TACR3: variants seen among roughly 807,000 people sequenced by gnomAD.
TACR3 encodes neuromedin-K receptor.
A neutral mutation model predicts 35.0 loss-of-function variants in TACR3; 34 were observed. That is an observed-to-expected ratio of 0.97 (90% CI 0.74 to 1.30). TACR3 has a LOEUF of 1.30. Among genes scored for constraint, TACR3 ranks in the 50% most tolerant of loss-of-function variants. TACR3 has a pLI of 0.00. For synonymous variants in TACR3, 233 were observed against 221.1 expected (o/e 1.05, Z -0.48); for missense variants, 558 against 591.7 (o/e 0.94, Z 0.59).
intron 1 of TACR3, among the ~76,000 whole-genome samples, chr4:103,701,079 T>C (rs1055110492): frequency 5.9e-5 from 9 of 151,978 alleles, no homozygotes; most frequent in African/African-American, 1.2e-4. Context: ...AAATAAAGGG[T>C]ATTCAATTAG....
chr4:103,613,132 G>A (rs768734628), intron 3 of TACR3, among the ~76,000 whole-genome samples: 8 of 152,172 alleles, frequency 5.3e-5, no homozygotes, highest in South Asian at 2.1e-4. Flanking sequence ...TTTAGCTGTC[G>A]TATATAGTGC....
intron 1 of TACR3, among the ~76,000 whole-genome samples, chr4:103,698,049 T>C (rs1043260777): frequency 3.3e-5 from 5 of 152,214 alleles, no homozygotes; most frequent in Admixed American, 6.5e-5. Context: ...GATTCTGAAA[T>C]ACTACTGTCT....
At chr4:103,716,055 A>G (rs1455019380) in intron 1 of TACR3, among the ~76,000 whole-genome samples, 1 of 152,164 alleles carries the variant, frequency 6.6e-6, no homozygotes, top group Non-Finnish European at 1.5e-5. Flanking sequence ...CTGGCCCTGG[A>G]GCTAACTGCA....
chr4:103,676,137 C>T (rs542599694), intron 1 of TACR3, among the ~76,000 whole-genome samples: 2 of 152,132 alleles, frequency 1.3e-5, no homozygotes, highest in African/African-American at 4.8e-5. Flanking sequence ...CTGATTTATT[C>T]TTCTCTGTGT....
At chr4:103,680,510 C>CAA (rs200048229) in intron 1 of TACR3, among the ~76,000 whole-genome samples, 3 of 127,438 alleles carry the variant, frequency 2.4e-5, no homozygotes, top group Non-Finnish European at 4.9e-5. Flanking sequence ...CACACACACA[C>CAA]ACATATATAT....
At chr4:103,605,515 C>A (rs945908612) in intron 3 of TACR3, among the ~76,000 whole-genome samples, 7 of 145,658 alleles carry the variant, frequency 4.8e-5, no homozygotes, top group Non-Finnish European at 9.1e-5. Flanking sequence ...TTAATGATTG[C>A]CATTCTAACT....
intron 1 of TACR3, among the ~76,000 whole-genome samples, chr4:103,662,865 C>T (rs1156674599): frequency 1.3e-5 from 2 of 152,080 alleles, no homozygotes; most frequent in African/African-American, 2.4e-5. Context: ...CATGGAGCAT[C>T]GATTTCAAAC....
chr4:103,718,399 C>G (rs1416570762), intron 1 of TACR3, among the ~76,000 whole-genome samples: 1 of 152,198 alleles, frequency 6.6e-6, no homozygotes, highest in African/African-American at 2.4e-5. Flanking sequence ...AATACCTATA[C>G]TTCATAATGT....
intron 2 of TACR3, among the ~76,000 whole-genome samples, chr4:103,656,890 G>A (rs35788181): frequency 0.059 from 8,934 of 152,022 alleles, 382 homozygotes; most frequent in Non-Finnish European, 0.092. Context: ...ATCAGGTAAA[G>A]ACATTTACAT....
intron 3 of TACR3, among the ~76,000 whole-genome samples, chr4:103,617,033 G>GGAGAAAGCATAGAATTTTT (rs2110301187): frequency 6.6e-6 from 1 of 152,274 alleles, no homozygotes; most frequent in South Asian, 2.1e-4. Flanking sequence ...CTGACTTACA[G>GGAGAAAGCATAGAATTTTT]GAGAAAGCAT....
At chr4:103,702,334 A>C (rs1722673054) in intron 1 of TACR3, among the ~76,000 whole-genome samples, 1 of 152,234 alleles carries the variant, frequency 6.6e-6, no homozygotes, top group Admixed American at 6.5e-5. Context: ...AGAAATGCAA[A>C]TCAAAACCAC....
intron 1 of TACR3, among the ~76,000 whole-genome samples, chr4:103,711,802 G>C (rs536049275): frequency 2.6e-5 from 4 of 152,256 alleles, no homozygotes; most frequent in African/African-American, 9.6e-5. Flanking sequence ...AAAGTTTCAG[G>C]ATACAAAATC....
At chr4:103,713,320 T>C (rs1006595262) in intron 1 of TACR3, among the ~76,000 whole-genome samples, 20 of 151,884 alleles carry the variant, frequency 1.3e-4, no homozygotes, top group Admixed American at 8.5e-4. Context: ...TTGTCCTTTG[T>C]AGGGACATGG....
At chr4:103,637,103 C>T (rs529784683) in intron 3 of TACR3, among the ~76,000 whole-genome samples, 1 of 152,088 alleles carries the variant, frequency 6.6e-6, no homozygotes, top group East Asian at 1.9e-4. Context: ...CCAGCATCAT[C>T]CTGATACCAA....
intron 1 of TACR3, among the ~76,000 whole-genome samples, chr4:103,708,316 C>T (rs56236570): frequency 0.12 from 17,743 of 152,090 alleles, 1,342 homozygotes; most frequent in East Asian, 0.37. Context: ...TCCAGAGGAA[C>T]GATCATTCCA....
intron 3 of TACR3, among the ~76,000 whole-genome samples, chr4:103,634,169 ATATTTTAT>A (rs1237782487): frequency 6.6e-6 from 1 of 152,136 alleles, no homozygotes; most frequent in Non-Finnish European, 1.5e-5. Context: ...TTCCCAAAGG[ATATTTTAT>A]TAATCTGTTA....
chr4:103,635,865 C>G (rs1411956302), intron 3 of TACR3, among the ~76,000 whole-genome samples: 1 of 151,954 alleles, frequency 6.6e-6, no homozygotes, highest in African/African-American at 2.4e-5. Flanking sequence ...GTCTAGCAAC[C>G]AGCAGTCCTG....
At chr4:103,622,276 G>A (rs138004124) in intron 3 of TACR3, among the ~76,000 whole-genome samples, 1 of 152,350 alleles carries the variant, frequency 6.6e-6, no homozygotes, top group African/African-American at 2.4e-5. Flanking sequence ...AGCAGGCAAA[G>A]AGATGTGAGC....
intron 3 of TACR3, among the ~76,000 whole-genome samples, chr4:103,628,623 C>T (rs1285168506): frequency 1.3e-5 from 2 of 152,134 alleles, no homozygotes; most frequent in South Asian, 4.1e-4. Context: ...TCTGAATAGA[C>T]CAATAACAGG....
Sources: gnomAD v4.1 joint callset for allele counts (sites outside exome capture counted in the v4.1 genomes callset) on GRCh38, gnomAD v4.1.1 for gene constraint, MANE v1.5 for transcripts, NCBI Gene and HGNC (gene_info 2026-07-23, HGNC 2026-07-21) for gene names.